Variants in UTRN observed in about 807,000 individuals in gnomAD.
UTRN encodes the protein utrophin.
Under a neutral mutation model 463.9 loss-of-function variants are expected in UTRN, and 283 were observed. The observed-to-expected ratio is 0.61, with a 90% CI of 0.55 to 0.67. UTRN has a LOEUF of 0.67. Among genes scored for constraint, UTRN ranks in the 30% least tolerant of loss-of-function variants. The probability of loss-of-function intolerance (pLI) is 0.00; values close to 1 mark genes in which losing one functional copy is unlikely to be tolerated. For synonymous variants in UTRN, 1,442 were observed against 1,431.5 expected, an observed-to-expected ratio of 1.01 and a Z score of -0.17; for missense variants, 3,922 against 4,084.3, an observed-to-expected ratio of 0.96 and a Z score of 1.08.
At chr6:144,468,385 G>A (rs1325976179) in intron 23 of UTRN, among the ~76,000 whole-genome samples, 1 of 151,964 alleles carries the variant, frequency 6.6e-6, no homozygotes, top group Non-Finnish European at 1.5e-5. Flanking sequence ...TAGAATATTT[G>A]ATATTTTGAT....
At chr6:144,597,667 T>C (rs1459370683) in intron 51 of UTRN, among the ~76,000 whole-genome samples, 1 of 152,246 alleles carries the variant, frequency 6.6e-6, no homozygotes, top group East Asian at 1.9e-4. Context: ...CAAGTTTCTA[T>C]TCTTAAGCTC....
chr6:144,752,521 T>C (rs1791511538), intron 56 of UTRN, among the ~76,000 whole-genome samples: 1 of 152,164 alleles, frequency 6.6e-6, no homozygotes, highest in African/African-American at 2.4e-5. Flanking sequence ...ATATATTTTA[T>C]CTATAATAGG....
chr6:144,684,518 C>T (rs1201963689), intron 52 of UTRN, among the ~76,000 whole-genome samples: 10 of 152,184 alleles, frequency 6.6e-5, no homozygotes, highest in Non-Finnish European at 1.2e-4. Flanking sequence ...AGTCAGTTAA[C>T]ATTTCCTGTC....
intron 65 of UTRN, among the ~76,000 whole-genome samples, chr6:144,817,188 A>T (rs973794741): frequency 2.0e-5 from 3 of 152,192 alleles, no homozygotes; most frequent in African/African-American, 7.2e-5. Flanking sequence ...CTCAGAGGCC[A>T]TGATGGTTAA....
chr6:144,488,447 A>G (rs1441032052), intron 29 of UTRN, among the ~76,000 whole-genome samples: 4 of 152,118 alleles, frequency 2.6e-5, no homozygotes, highest in African/African-American at 7.2e-5. Context: ...TTTGTATTTC[A>G]ACATTATATA....
intron 29 of UTRN, 126 bp downstream of exon 29, chr6:144,487,823 C>CCCCTGTTAGCATTGGT: frequency 7.3e-6 from 6 of 825,424 alleles, no homozygotes; most frequent in African/African-American, 1.7e-5. Context: ...GTAACCAATG[C>CCCCTGTTAGCATTGGT]TAACAGGGGC....
chr6:144,824,575 TATATATATATATATA>T (rs1562954762), intron 66 of UTRN, among the ~76,000 whole-genome samples: 6 of 21,162 alleles, frequency 2.8e-4, no homozygotes, highest in Middle Eastern at 0.036. Context: ...ATTTTATTTA[TATATATATATATATA>T]TATATATATA....
At chr6:144,473,647 G>C (rs2128569180) in intron 23 of UTRN, 73 bp from the exon 24 acceptor site, 1 of 1,124,124 alleles carries the variant, frequency 8.9e-7, no homozygotes, top group East Asian at 2.5e-5. Flanking sequence ...TTGTTCCAGT[G>C]GCGGTAGATC....
chr6:144,558,521 T>C (rs1280677868), intron 50 of UTRN, among the ~76,000 whole-genome samples: 3 of 152,124 alleles, frequency 2.0e-5, no homozygotes, highest in African/African-American at 4.8e-5. Context: ...TTAGGAGATA[T>C]ACCTAATGTT....
intron 52 of UTRN, among the ~76,000 whole-genome samples, chr6:144,679,868 C>T (rs1782031809): frequency 1.3e-5 from 2 of 152,030 alleles, no homozygotes; most frequent in Admixed American, 6.6e-5. Flanking sequence ...AGGAAGGGAG[C>T]AATGCAGCAT....
intron 2 of UTRN, among the ~76,000 whole-genome samples, chr6:144,319,482 A>C (rs1247857677): frequency 6.6e-6 from 1 of 152,264 alleles, no homozygotes; most frequent in Non-Finnish European, 1.5e-5. Context: ...ACTTCTGCAA[A>C]GGACGAAGCC....
chr6:144,724,461 T>C (rs1787618499), intron 53 of UTRN, among the ~76,000 whole-genome samples: 1 of 151,874 alleles, frequency 6.6e-6, no homozygotes, highest in South Asian at 2.1e-4. Context: ...ACTCCTGACC[T>C]TGTGATCCTC....
intron 50 of UTRN, among the ~76,000 whole-genome samples, chr6:144,568,094 A>G (rs1800584035): frequency 6.6e-6 from 1 of 152,224 alleles, no homozygotes; most frequent in Non-Finnish European, 1.5e-5. Context: ...ACATTTAAAA[A>G]AAATCCTACT....
At chr6:144,517,239 G>A (rs974435633) in intron 39 of UTRN, among the ~76,000 whole-genome samples, 8 of 151,926 alleles carry the variant, frequency 5.3e-5, no homozygotes, top group African/African-American at 1.9e-4. Flanking sequence ...TATTTTATTT[G>A]TGAAGGTCTT....
At chr6:144,849,803 G>T (rs1247801761) in intron 74 of UTRN, among the ~76,000 whole-genome samples, 3 of 152,084 alleles carry the variant, frequency 2.0e-5, no homozygotes, top group Non-Finnish European at 2.9e-5. Context: ...GAGTATATAG[G>T]CACAATTCAA....
At chr6:144,474,545 A>G (rs1790992133) in intron 24 of UTRN, 59 bp from the exon 25 acceptor site, 21 of 1,518,248 alleles carry the variant, frequency 1.4e-5, no homozygotes, top group East Asian at 2.3e-5. Flanking sequence ...CAGACAAACT[A>G]TAATTATGGC....
chr6:144,829,776 C>T (rs897129975), intron 69 of UTRN, among the ~76,000 whole-genome samples: 1 of 149,984 alleles, frequency 6.7e-6, no homozygotes, highest in African/African-American at 2.4e-5. Flanking sequence ...ATAGAATATT[C>T]TCTTTCCATA....
intron 2 of UTRN, among the ~76,000 whole-genome samples, chr6:144,388,850 A>G (rs532363235): frequency 1.9e-3 from 284 of 152,274 alleles, no homozygotes; most frequent in Non-Finnish European, 2.8e-3. Context: ...AACAGTTCTC[A>G]TGGATGGACA....
chr6:144,594,341 A>G (rs574047560), intron 51 of UTRN, among the ~76,000 whole-genome samples: 76 of 152,320 alleles, frequency 5.0e-4, no homozygotes, highest in African/African-American at 1.8e-3. Context: ...AGATTACTGT[A>G]GTATCTTTCA....
Sources: gnomAD v4.1 joint callset for allele counts (sites outside exome capture counted in the v4.1 genomes callset) on GRCh38, gnomAD v4.1.1 for gene constraint, MANE v1.5 for transcripts, NCBI Gene and HGNC (gene_info 2026-07-23, HGNC 2026-07-21) for gene names.